IQSEC1: variants seen among roughly 807,000 people sequenced by gnomAD.
IQSEC1 encodes the protein IQ motif and Sec7 domain ArfGEF 1.
Under a neutral mutation model 91.0 loss-of-function variants are expected in IQSEC1, and 31 were observed. The observed-to-expected ratio is 0.34, with a 90% CI of 0.26 to 0.46. The LOEUF (loss-of-function observed/expected upper bound fraction) is 0.46, where lower values mean the gene tolerates loss of function less well. Ranked by LOEUF, IQSEC1 falls within the 20% of genes least tolerant of loss-of-function variation. IQSEC1 has a pLI of 1.00. For missense variants in IQSEC1, 1,388 were observed against 1,575.6 expected (o/e 0.88, Z 2.02); for synonymous variants, 699 against 662.6 (o/e 1.05, Z -0.84).
Position 13,282,419 on chromosome 3 carries a change from CCT to C in IQSEC1, c.272+290_272+291del, listed in dbSNP as rs1421163535. Among the ~76,000 whole-genome samples, 1 of 152,086 alleles carries C rather than the reference CCT, an allele frequency of 6.6e-6. No homozygotes were observed. Among genetic ancestry groups the C allele is most frequent in the African/African-American group, 2.4e-5 (1 of 41,418 alleles). ...CGTCCGAGCCCCGGGGGTCGCCAACCCTGAGTCCGCGCCGCAGCGCAGAGCCA... is the reference window on the plus strand; with the variant it reads ...CGTCCGAGCCCCGGGGGTCGCCAACCGAGTCCGCGCCGCAGCGCAGAGCCA... On this transcript the variant is annotated intron_variant, in intron 1 of 15. Transcript: ENST00000648114. This position sits in a 1 kb window ranked among gnomAD's most constrained non-coding sequence, Gnocchi z 6.4.
chr3:13,194,642 G>C (rs1312331605), intron 1 of IQSEC1, among the ~76,000 whole-genome samples: 1 of 152,148 alleles, frequency 6.6e-6, no homozygotes, highest in Admixed American at 6.5e-5. Context: ...TGCCCACCCA[G>C]AAACCCCAGA....
chr3:13,007,828 T>G (rs1411089104), intron 1 of IQSEC1, among the ~76,000 whole-genome samples: 1 of 152,120 alleles, frequency 6.6e-6, no homozygotes, highest in African/African-American at 2.4e-5. Context: ...CAGCCATCCC[T>G]CCCTGTCTCT....
At chr3:12,957,614 G>A (rs1329117631) in intron 1 of IQSEC1, among the ~76,000 whole-genome samples, 2 of 152,216 alleles carry the variant, frequency 1.3e-5, no homozygotes, top group African/African-American at 4.8e-5. Context: ...GGGGAGGCTG[G>A]CTCTGGACAG....
At chr3:13,205,478 T>A (rs74705907) in intron 1 of IQSEC1, among the ~76,000 whole-genome samples, 1 of 151,860 alleles carries the variant, frequency 6.6e-6, no homozygotes, top group Non-Finnish European at 1.5e-5. Flanking sequence ...TCTCCCTCCA[T>A]CTACCTGCCC....
intron 2 of IQSEC1, among the ~76,000 whole-genome samples, chr3:13,084,249 C>T (rs772886089): frequency 3.9e-5 from 6 of 152,100 alleles, no homozygotes; most frequent in African/African-American, 7.2e-5. Context: ...GGGCACACGG[C>T]AGGTCACCCA....
At position 12,994,938 on chromosome 3, in the gene IQSEC1, T is replaced by A. The variant is rs971782423; in HGVS notation, c.24-53073A>T. ...TAGCAGAGGCTGGGCCTGGAAGGGATATGGGCGGGAGCGCGCCCGCGGGGG... is the reference window on the plus strand; with the variant it reads ...TAGCAGAGGCTGGGCCTGGAAGGGAAATGGGCGGGAGCGCGCCCGCGGGGG... On this transcript the variant is annotated intron_variant, in intron 1 of 13. Coordinates refer to ENST00000613206, the MANE Select transcript of IQSEC1 (RefSeq NM_001134382.3). The surrounding 1 kb of genome is among the most constrained non-coding windows in gnomAD (Gnocchi z 4.5). 2 of 152,602 alleles carry A rather than the reference T, an allele frequency of 1.3e-5. No individual in the cohort carries two copies. The highest frequency in any genetic ancestry group is 2.9e-5 in the Non-Finnish European group (2 of 68,362). The allele number at this position is 152,602 out of a possible 1,614,324, so 9.5% of individuals were successfully genotyped here. A position where few individuals can be genotyped will look rare whatever the true frequency, so the allele number is the denominator to read the frequency against.
At position 13,053,583 on chromosome 3, in the gene IQSEC1, G is replaced by C. The variant is rs570873685; in HGVS notation, c.23+19409C>G. On this transcript the variant is annotated intron_variant, in intron 1 of 13. Coordinates refer to ENST00000613206, the MANE Select transcript of IQSEC1 (RefSeq NM_001134382.3). ...GGGGAGAAGGGAGACTCTGGGAGTC[G>C]GCTCACAGCCCCAGCAGCTGCCATG... 3.3e-5 allele frequency among the ~76,000 whole-genome samples: 5 copies of C among 152,296 alleles called. No individual in the cohort carries two copies. The South Asian group carries it at 6.2e-4, about 19-fold the overall frequency.
rs1469310611 is a variant in IQSEC1, at chr3:13,217,119, G to C, written c.273-52986C>G. On this transcript the variant is annotated intron_variant, in intron 1 of 15. Coordinates refer to the IQSEC1 transcript ENST00000648114. ...TAAAAAAAAAATCCAACTGAACAGAGTGAACCTGACTCAGGCTTTTTTGCT... is the reference window on the plus strand; with the variant it reads ...TAAAAAAAAAATCCAACTGAACAGACTGAACCTGACTCAGGCTTTTTTGCT... 2.0e-5 allele frequency among the ~76,000 whole-genome samples: 3 copies of C among 152,260 alleles called. No individual in the cohort carries two copies. The East Asian group carries it at 5.8e-4, about 29-fold the overall frequency.
At chr3:12,932,334 A>G (rs1040516108) in intron 3 of IQSEC1, among the ~76,000 whole-genome samples, 1 of 152,192 alleles carries the variant, frequency 6.6e-6, no homozygotes, top group Non-Finnish European at 1.5e-5. Flanking sequence ...TAGGGAGCCC[A>G]GGGATACCTG....
chr3:12,915,574 T>A lies in IQSEC1; in HGVS notation c.2160+20A>T. ...CCGGGTGGTGCTGGGGCCCACCACG[T>A]ACCAGGGCCCATCACATACCGGCTT... On this transcript the variant is annotated intron_variant, in intron 7 of 13. Coordinates refer to ENST00000613206, the MANE Select transcript of IQSEC1 (RefSeq NM_001134382.3). 1 of 1,612,694 alleles carries A rather than the reference T, an allele frequency of 6.2e-7. No homozygotes were observed. The highest frequency in any genetic ancestry group is 1.1e-5 in the South Asian group (1 of 91,008).
Position 12,908,604 on chromosome 3 carries a change from C to T in IQSEC1, c.2579-79G>A. The T allele has an allele frequency of 1.1e-5, 17 of 1,478,274 alleles. No homozygotes were observed. In the South Asian group the frequency reaches 1.6e-4, roughly 14 times the overall value. The allele number at this position is 1,478,274 out of a possible 1,614,324, so 91.6% of individuals were successfully genotyped here. ...AGGAGACGGGGCCTTCTGCTTGGAG[C>T]TAGCACTGTCCTGAGCCACCATCTG... On this transcript the variant is annotated intron_variant, in intron 11 of 13. Transcript: ENST00000613206. This position sits in a 1 kb window ranked among gnomAD's most constrained non-coding sequence, Gnocchi z 4.9.
rs1045644167 is a variant in IQSEC1 at position 12,900,673 on chromosome 3, C to T, written c.*310G>A. ...ACATTAGGGCACAGGGAGCTGAGAG[C>T]TGGAGTGGGGGAGGCAGTTCAACAC... On this transcript the variant is annotated 3_prime_UTR_variant, in exon 14 of 14. Transcript: ENST00000613206. The T allele has an allele frequency of 7.7e-7, 1 of 1,298,294 alleles. No individual in the cohort carries two copies. Among genetic ancestry groups the T allele is most frequent in the African/African-American group, 1.5e-5 (1 of 66,790 alleles). 80.4% of individuals were successfully genotyped at this position (1,298,294 alleles called of 1,614,324 possible).
intron 1 of IQSEC1, among the ~76,000 whole-genome samples, chr3:12,962,741 A>G (rs1254655726): frequency 1.3e-5 from 2 of 152,254 alleles, no homozygotes; most frequent in African/African-American, 4.8e-5. Flanking sequence ...GCTACCCTCA[A>G]GAGCCTGCAA....
At position 12,944,117 on chromosome 3, in the gene IQSEC1, C is replaced by T. The variant is rs574624100; in HGVS notation, c.24-2252G>A. On this transcript the variant is annotated intron_variant, in intron 1 of 13. Transcript: ENST00000613206. ...GGTCCCAGTTTCCCTATCAGTAACACGGTGGGCTGGACTCAATGCCTGCAA... is the reference window on the plus strand; with the variant it reads ...GGTCCCAGTTTCCCTATCAGTAACATGGTGGGCTGGACTCAATGCCTGCAA... Among the ~76,000 whole-genome samples the T allele has an allele frequency of 7.2e-5, 11 of 152,280 alleles. No homozygotes were observed. The South Asian group carries it at 1.0e-3, about 14-fold the overall frequency.
At chr3:13,031,196 A>G (rs1312682421) in intron 1 of IQSEC1, among the ~76,000 whole-genome samples, 1 of 152,230 alleles carries the variant, frequency 6.6e-6, no homozygotes, top group African/African-American at 2.4e-5. Flanking sequence ...TCTTACCTGG[A>G]CCCACCTTTC....
At chr3:13,239,262 A>AC in intron 1 of IQSEC1, among the ~76,000 whole-genome samples, 1 of 152,340 alleles carries the variant, frequency 6.6e-6, no homozygotes, top group Admixed American at 6.5e-5. Flanking sequence ...GGCAACAGCC[A>AC]CCCACAGCAC....
intron 2 of IQSEC1, among the ~76,000 whole-genome samples, chr3:13,135,941 G>A (rs372297993): frequency 3.3e-5 from 5 of 152,308 alleles, no homozygotes; most frequent in Admixed American, 1.3e-4. Flanking sequence ...CGCAGGCCCT[G>A]CCCCAGGACT....
intron 2 of IQSEC1, among the ~76,000 whole-genome samples, chr3:13,121,169 G>T (rs1444939621): frequency 2.6e-5 from 4 of 152,224 alleles, no homozygotes; most frequent in African/African-American, 9.7e-5. Context: ...TTGTGAGCAG[G>T]ACTTTGCAGC....
In IQSEC1 at chr3:12,901,055, A is replaced by G. The variant is rs772742525; in HGVS notation, c.3273T>C (p.His1091=). The G allele has an allele frequency of 2.6e-6, 4 of 1,516,006 alleles. No homozygotes were observed. Among genetic ancestry groups the G allele is most frequent in the East Asian group, 2.6e-5 (1 of 39,178 alleles). The allele number at this position is 1,516,006 out of a possible 1,614,324, so 93.9% of individuals were successfully genotyped here. A position where few individuals can be genotyped will look rare whatever the true frequency, so the allele number is the denominator to read the frequency against. Residue 1091 remains histidine (H), a synonymous_variant, in exon 14 of 14, where the codon CAT becomes CAC. Coordinates refer to ENST00000613206, the MANE Select transcript of IQSEC1 (RefSeq NM_001134382.3). ...SAHVGHTVHH[H]GQPPAPPPPT... ...GGGGCGGCGGGGCAGGGGGCTGCCCATGGTGGTGCACTGTGTGCCCCACGT... is the reference window on the plus strand; with the variant it reads ...GGGGCGGCGGGGCAGGGGGCTGCCCGTGGTGGTGCACTGTGTGCCCCACGT...
Sources: allele counts gnomAD v4.1 joint callset (sites outside exome capture counted in the v4.1 genomes callset), GRCh38; gene constraint gnomAD v4.1.1; non-coding constraint Gnocchi (gnomAD v3.1); transcripts MANE v1.5; gene names NCBI Gene and HGNC (gene_info 2026-07-23, HGNC 2026-07-21).